RARB: variants seen among roughly 807,000 people sequenced by gnomAD.
RARB encodes the protein HBV-activated protein.
A neutral mutation model predicts 51.9 loss-of-function variants in RARB; 17 were observed. The observed-to-expected ratio is 0.33, with a 90% confidence interval of 0.22 to 0.49. The LOEUF is 0.49. Ranked by LOEUF, RARB falls within the 20% of genes least tolerant of loss-of-function variation. The pLI is 0.99. For missense variants in RARB, 369 were observed against 550.8 expected (o/e 0.67, Z 3.30); for synonymous variants, 215 against 195.4 (o/e 1.10, Z -0.84).
chr3:25,181,957 C>T (rs903236459), intron 5 of RARB, among the ~76,000 whole-genome samples: 1 of 152,190 alleles, frequency 6.6e-6, no homozygotes, highest in Non-Finnish European at 1.5e-5. Context: ...CATCTTACCA[C>T]TTCTTTATGC....
intron 5 of RARB, among the ~76,000 whole-genome samples, chr3:25,340,797 A>C (rs1705206042): frequency 6.6e-6 from 1 of 152,220 alleles, no homozygotes; most frequent in Admixed American, 6.5e-5. Context: ...GCTTTGGAGA[A>C]GCCATTGACA....
At chr3:25,487,239 G>A (rs1303456576) in intron 2 of RARB, among the ~76,000 whole-genome samples, 1 of 152,224 alleles carries the variant, frequency 6.6e-6, no homozygotes, top group Non-Finnish European at 1.5e-5. Context: ...TTCCATGGAA[G>A]TGTGTTAAAG....
chr3:25,220,692 T>C (rs756558450), intron 5 of RARB, among the ~76,000 whole-genome samples: 2 of 152,208 alleles, frequency 1.3e-5, no homozygotes, highest in South Asian at 4.1e-4. Flanking sequence ...CCTTCCACCA[T>C]GATTGTAAGT....
At chr3:25,205,744 AC>A (rs1199460169) in intron 5 of RARB, among the ~76,000 whole-genome samples, 4 of 148,774 alleles carry the variant, frequency 2.7e-5, no homozygotes, top group African/African-American at 4.9e-5. Context: ...AATATTAAAA[AC>A]CTTTTTTTTT....
intron 5 of RARB, among the ~76,000 whole-genome samples, chr3:25,180,756 G>A (rs2125357099): frequency 6.6e-6 from 1 of 152,288 alleles, no homozygotes; most frequent in South Asian, 2.1e-4. Context: ...GGAGAGGGTA[G>A]GGGAGAAGGA....
At chr3:24,951,992 T>C (rs143100678) in intron 2 of RARB, among the ~76,000 whole-genome samples, 226 of 152,346 alleles carry the variant, frequency 1.5e-3, no homozygotes, top group African/African-American at 5.1e-3. Context: ...AATTGCCCTG[T>C]ATTCAAGTGA....
intron 5 of RARB, among the ~76,000 whole-genome samples, chr3:25,406,196 C>G (rs1461884969): frequency 6.6e-6 from 1 of 152,204 alleles, no homozygotes; most frequent in Admixed American, 6.5e-5. Flanking sequence ...ACATACCCAC[C>G]TTTTGGATAT....
intron 5 of RARB, among the ~76,000 whole-genome samples, chr3:25,200,906 G>A (rs1701373490): frequency 6.6e-6 from 1 of 152,198 alleles, no homozygotes; most frequent in African/African-American, 2.4e-5. Flanking sequence ...TTTGGCTTAG[G>A]ATTGACTTGG....
At chr3:24,898,768 T>C (rs369004089) in intron 2 of RARB, among the ~76,000 whole-genome samples, 1 of 152,210 alleles carries the variant, frequency 6.6e-6, no homozygotes, top group East Asian at 1.9e-4. Flanking sequence ...ATTTAGCTTT[T>C]TGCTCTAATG....
intron 3 of RARB, among the ~76,000 whole-genome samples, chr3:25,082,255 GTTATAT>G (rs905501759): frequency 1.3e-4 from 19 of 151,802 alleles, no homozygotes; most frequent in Non-Finnish European, 2.6e-4. Context: ...CTGTTTATAT[GTTATAT>G]TTATATAAGT....
At chr3:25,153,597 A>G (rs988632698) in intron 4 of RARB, among the ~76,000 whole-genome samples, 11 of 152,222 alleles carry the variant, frequency 7.2e-5, no homozygotes, top group African/African-American at 1.9e-4. Context: ...CTATAATTAA[A>G]CAATGTGAAA....
chr3:25,051,726 A>T (rs1470842529), intron 2 of RARB, among the ~76,000 whole-genome samples: 1 of 152,192 alleles, frequency 6.6e-6, no homozygotes. Context: ...AAAATAATGC[A>T]AGATAAGCTA....
At chr3:25,468,804 C>T (rs1381494550) in intron 2 of RARB, among the ~76,000 whole-genome samples, 3 of 152,220 alleles carry the variant, frequency 2.0e-5, no homozygotes, top group Non-Finnish European at 4.4e-5. Flanking sequence ...AGGCAGAACC[C>T]ACACATGGGC....
chr3:25,510,040 G>T (rs1348643090), intron 3 of RARB, among the ~76,000 whole-genome samples: 2 of 152,138 alleles, frequency 1.3e-5, no homozygotes, highest in African/African-American at 4.8e-5. Context: ...GTGGTGCTGT[G>T]GTAGTTCATG....
chr3:25,227,050 C>G (rs997888754), intron 5 of RARB, among the ~76,000 whole-genome samples: 1 of 152,294 alleles, frequency 6.6e-6, no homozygotes, highest in East Asian at 1.9e-4. Flanking sequence ...GTCCACTATT[C>G]CAGAACTGCT....
At chr3:25,239,138 AC>A (rs1479120862) in intron 5 of RARB, among the ~76,000 whole-genome samples, 1 of 152,098 alleles carries the variant, frequency 6.6e-6, no homozygotes, top group Admixed American at 6.5e-5. Flanking sequence ...TCCTTTGCCC[AC>A]TTTTTAATGG....
chr3:25,225,280 A>T (rs2125386967), intron 5 of RARB, among the ~76,000 whole-genome samples: 1 of 149,028 alleles, frequency 6.7e-6, no homozygotes, highest in East Asian at 2.0e-4. Flanking sequence ...GACTTCAAGA[A>T]GAGGTGACTT....
At chr3:25,188,001 G>A (rs1017332042) in intron 5 of RARB, among the ~76,000 whole-genome samples, 6 of 152,044 alleles carry the variant, frequency 3.9e-5, no homozygotes, top group Admixed American at 2.0e-4. Flanking sequence ...TTAAAATGTC[G>A]ATGGAGAAAT....
intron 5 of RARB, among the ~76,000 whole-genome samples, chr3:25,269,362 C>T (rs1437469971): frequency 6.6e-6 from 1 of 152,168 alleles, no homozygotes; most frequent in Non-Finnish European, 1.5e-5. Flanking sequence ...CAGCACCATC[C>T]ATCATTGAGA....
Sources: allele counts gnomAD v4.1 joint callset (sites outside exome capture counted in the v4.1 genomes callset), GRCh38; gene constraint gnomAD v4.1.1; transcripts MANE v1.5; gene names NCBI Gene and HGNC (gene_info 2026-07-23, HGNC 2026-07-21).